The following PKHD1 variants were observed in gnomAD, a reference collection of about 807,000 sequenced individuals.
The protein encoded by PKHD1 is PKHD1 ciliary IPT domain containing fibrocystin/polyductin.
PKHD1 carries 291 observed loss-of-function variants against 412.0 expected under a neutral mutation model. The observed-to-expected ratio is 0.71, with a 90% CI of 0.64 to 0.78. PKHD1 has a LOEUF of 0.78. Among genes scored for constraint, PKHD1 ranks in the 30% least tolerant of loss-of-function variants. The probability of loss-of-function intolerance (pLI) is 0.00; values close to 1 mark genes in which losing one functional copy is unlikely to be tolerated. For synonymous variants in PKHD1, 1,777 were observed against 1,821.5 expected (o/e 0.98, Z 0.62); for missense variants, 4,825 against 4,950.7 (o/e 0.97, Z 0.76).
intron 37 of PKHD1, among the ~76,000 whole-genome samples, chr6:51,920,457 T>G (rs1219956669): frequency 6.6e-6 from 1 of 152,242 alleles, no homozygotes; most frequent in African/African-American, 2.4e-5. Flanking sequence ...GAACCAGCCT[T>G]GCATCCCAGG....
intron 52 of PKHD1, among the ~76,000 whole-genome samples, chr6:51,818,922 A>G (rs1765921845): frequency 6.6e-6 from 1 of 152,224 alleles, no homozygotes; most frequent in Non-Finnish European, 1.5e-5. Flanking sequence ...ACAGATTTTT[A>G]TGTAAGAGAG....
chr6:52,046,996 T>C (rs1011818926), intron 23 of PKHD1, among the ~76,000 whole-genome samples: 1 of 152,240 alleles, frequency 6.6e-6, no homozygotes, highest in East Asian at 1.9e-4. Flanking sequence ...GCTAATAAAA[T>C]ATCACTGCGT....
At position 51,887,216 on chromosome 6, in the gene PKHD1, G is replaced by A; in HGVS notation, c.7026C>T (p.Gly2342=). 1 of 1,611,856 alleles carries A rather than the reference G, an allele frequency of 6.2e-7. No individual in the cohort carries two copies. Among genetic ancestry groups the A allele is most frequent in the African/African-American group, 1.3e-5 (1 of 75,000 alleles). The change falls in exon 44 of 67, where the codon GGC becomes GGT. Residue 2342 remains glycine (G), a synonymous_variant. Coordinates refer to ENST00000371117, the MANE Select transcript of PKHD1 (RefSeq NM_138694.4). ...GGTTGGTCATGAGATGGAAAAAGTA[G>A]CCATAGCCAGCACCACACACTCTGT... ...EGNRVCGAGY[G]YFFHLMTNQT...
Position 51,638,850 on chromosome 6 carries a change from TG to T in PKHD1, c.11504del (p.Pro3835GlnfsTer17). ...WHFIFTVTSP[P>X]GVNFTARSKP... Reference sequence around the variant, plus strand: ...TAAAAGCACACTGTATAAAATTACCTGGAGGAGAAGTGACAGTAAAAATAAA... The same window carrying T: ...TAAAAGCACACTGTATAAAATTACCTGAGGAGAAGTGACAGTAAAAATAAA... On this transcript the variant is annotated frameshift_variant and splice_region_variant, in exon 64 of 67. Coordinates refer to ENST00000371117, the MANE Select transcript of PKHD1 (RefSeq NM_138694.4). LOFTEE classifies it high-confidence loss of function. The T allele has an allele frequency of 6.5e-7, 1 of 1,536,348 alleles. No individual in the cohort carries two copies.
In PKHD1 at chr6:52,024,750, A is replaced by G. The variant is rs794727566; in HGVS notation, c.5060T>C (p.Ile1687Thr). The stretch of plus-strand genomic sequence containing the variant: ...GACACCCACACAGGGTGACATTCCT[A>G]TAAAAATGTCAATGTTTGCAGCTCC... ...ISGAANIDIF[I>T]GMSPCVGVSG... Residue 1687 changes from isoleucine (I) to threonine (T), a missense_variant, in exon 32 of 67, where the codon ATA becomes ACA. Ile to Thr is a moderately conservative substitution (Grantham distance 89). Coordinates refer to ENST00000371117, the MANE Select transcript of PKHD1 (RefSeq NM_138694.4). The G allele has an allele frequency of 5.0e-6, 8 of 1,614,062 alleles. No homozygotes were observed. The highest frequency in any genetic ancestry group is 1.6e-4 in the Middle Eastern group (1 of 6,084).
intron 66 of PKHD1, among the ~76,000 whole-genome samples, chr6:51,622,117 A>G (rs565418464): frequency 6.6e-6 from 1 of 152,310 alleles, no homozygotes; most frequent in East Asian, 1.9e-4. Context: ...CTCTATGGAA[A>G]GGAGGACTCA....
chr6:51,642,870 G>A (rs967588171), intron 63 of PKHD1, among the ~76,000 whole-genome samples: 5 of 151,962 alleles, frequency 3.3e-5, no homozygotes, highest in African/African-American at 7.2e-5. Context: ...CTATACATAG[G>A]GTATGGAGTA....
chr6:51,955,502 A>G (rs749289378), intron 36 of PKHD1, among the ~76,000 whole-genome samples: 4 of 152,120 alleles, frequency 2.6e-5, no homozygotes, highest in Non-Finnish European at 5.9e-5. Context: ...AGATGAAAAT[A>G]TGAGTAAGGC....
At chr6:51,870,250 T>A (rs979736551) in intron 47 of PKHD1, among the ~76,000 whole-genome samples, 2 of 152,128 alleles carry the variant, frequency 1.3e-5, no homozygotes, top group Non-Finnish European at 2.9e-5. Flanking sequence ...TTTATGAAGG[T>A]CAGAGTCCAG....
At chr6:51,750,172 G>A (rs1413532599) in intron 57 of PKHD1, among the ~76,000 whole-genome samples, 2 of 152,034 alleles carry the variant, frequency 1.3e-5, no homozygotes, top group Non-Finnish European at 2.9e-5. Context: ...GTCTACTTGG[G>A]GCCAGGCAAC....
At chr6:51,663,803 T>C (rs1423760595) in intron 60 of PKHD1, among the ~76,000 whole-genome samples, 4 of 152,176 alleles carry the variant, frequency 2.6e-5, no homozygotes, top group African/African-American at 9.6e-5. Context: ...TTAATATATG[T>C]TAGGCAATAC....
In PKHD1 at chr6:51,632,579, C is replaced by G; in HGVS notation, c.11651G>C (p.Arg3884Thr). 6.2e-7 allele frequency: 1 copy of G among 1,612,650 alleles called. No homozygotes were observed. Among genetic ancestry groups the G allele is most frequent in the Non-Finnish European group, 8.5e-7 (1 of 1,179,272 alleles). ...AAACTACATACTTCTGCTTTTGCTT[C>G]TTTTAAGCCAACAGCACACCAGACA... ...LSCLVCCWLK[R>T]SKSRKTKPEE... The change falls in exon 65 of 67, where the codon AGA becomes ACA. Residue 3884 changes from arginine (R) to threonine (T), a missense_variant. Physicochemically the swap from Arg to Thr is moderately conservative, Grantham distance 71 (BLOSUM62 -1). Coordinates refer to ENST00000371117, the MANE Select transcript of PKHD1 (RefSeq NM_138694.4).
At position 52,068,125 on chromosome 6, in the gene PKHD1, T is replaced by C. The variant is rs1010438550; in HGVS notation, c.778+1332A>G. 2.6e-5 allele frequency among the ~76,000 whole-genome samples: 4 copies of C among 152,342 alleles called. No individual in the cohort carries two copies. The East Asian group carries it at 5.8e-4, about 22-fold the overall frequency. On this transcript the variant is annotated intron_variant, in intron 11 of 66. Coordinates refer to ENST00000371117, the MANE Select transcript of PKHD1 (RefSeq NM_138694.4). ...CAAGATTCTTGCTCCTCTACCTCTT[T>C]AGACGACTTTTGGAATAAGAAGGAT...
At chr6:51,976,688 G>T (rs184130590) in intron 35 of PKHD1, among the ~76,000 whole-genome samples, 1 of 152,112 alleles carries the variant, frequency 6.6e-6, no homozygotes, top group East Asian at 1.9e-4. Flanking sequence ...GGTGGCTCAC[G>T]CCTGTAATCC....
At chr6:51,841,916 G>A (rs1189487310) in intron 50 of PKHD1, among the ~76,000 whole-genome samples, 3 of 152,238 alleles carry the variant, frequency 2.0e-5, no homozygotes, top group African/African-American at 4.8e-5. Flanking sequence ...AGGATCAGGA[G>A]CCTAGGCTCC....
At chr6:51,662,469 T>C (rs1773016748) in intron 60 of PKHD1, among the ~76,000 whole-genome samples, 1 of 151,950 alleles carries the variant, frequency 6.6e-6, no homozygotes, top group African/African-American at 2.4e-5. Flanking sequence ...AATTTTTATT[T>C]GTCAATTATG....
chr6:51,734,382 G>C (rs1783584468), intron 60 of PKHD1, among the ~76,000 whole-genome samples: 1 of 152,152 alleles, frequency 6.6e-6, no homozygotes, highest in Non-Finnish European at 1.5e-5. Flanking sequence ...AATTTACTTT[G>C]TGGAAGAGTT....
At position 52,010,821 on chromosome 6, in the gene PKHD1, A is replaced by T. The variant is rs1220964616; in HGVS notation, c.5601-362T>A. Reference sequence around the variant, plus strand: ...AACGTCTGGGAGAGTTTTTGTTTTTATTTTTTTTCTTTTCCCCTTCCCTCT... The same window carrying T: ...AACGTCTGGGAGAGTTTTTGTTTTTTTTTTTTTTCTTTTCCCCTTCCCTCT... On this transcript the variant is annotated intron_variant, in intron 34 of 66. Coordinates refer to ENST00000371117, the MANE Select transcript of PKHD1 (RefSeq NM_138694.4). Among the ~76,000 whole-genome samples, 5 of 151,770 alleles carry T rather than the reference A, an allele frequency of 3.3e-5. No individual in the cohort carries two copies. In the South Asian group the frequency reaches 8.4e-4, roughly 25 times the overall value.
rs927173437 is a variant in PKHD1 at position 51,723,724 on chromosome 6, G to A, written c.10156+20661C>T. ...TCCTCTTTCTCCATCTCTCTCAAAA[G>A]GAGAAAGGCGAAAGAAAACATCTTA... On this transcript the variant is annotated intron_variant, in intron 60 of 66. Transcript: ENST00000371117. Among the ~76,000 whole-genome samples the A allele has an allele frequency of 2.7e-4, 41 of 152,206 alleles. 1 individual carries two copies. The highest frequency in any genetic ancestry group is 9.4e-4 in the African/African-American group (39 of 41,532).
Sources: gnomAD v4.1 joint callset for allele counts (sites outside exome capture counted in the v4.1 genomes callset) on GRCh38, gnomAD v4.1.1 for gene constraint, MANE v1.5 for transcripts, NCBI Gene and HGNC (gene_info 2026-07-23, HGNC 2026-07-21) for gene names.